The following SLC12A1 variants were observed in gnomAD, a reference collection of about 807,000 sequenced individuals.
SLC12A1 encodes Na-K-2Cl cotransporter.
Under a neutral mutation model 130.4 loss-of-function variants are expected in SLC12A1, and 89 were observed. The ratio of observed to expected loss-of-function variants is 0.68; its 90% CI spans 0.58 to 0.81. SLC12A1 has a LOEUF of 0.81. Among genes scored for constraint, SLC12A1 ranks in the 40% least tolerant of loss-of-function variants. The pLI, the probability that SLC12A1 is intolerant of heterozygous loss-of-function variation, is 0.00. For missense variants in SLC12A1, 1,310 were observed against 1,336.4 expected (o/e 0.98, Z 0.31); for synonymous variants, 499 against 460.0 (o/e 1.08, Z -1.09).
At chr15:48,234,675 C>T (rs1325343759) in intron 8 of SLC12A1, among the ~76,000 whole-genome samples, 2 of 151,998 alleles carry the variant, frequency 1.3e-5, no homozygotes, top group African/African-American at 4.8e-5. Flanking sequence ...GTTGCTTGAA[C>T]CTGGGAGGCA....
At chr15:48,221,318 T>C in intron 4 of SLC12A1, 1 of 701,866 alleles carries the variant, frequency 1.4e-6, no homozygotes, top group Non-Finnish European at 2.6e-6. Flanking sequence ...CATATTGACA[T>C]TTGCCTCTCA....
intron 2 of SLC12A1, among the ~76,000 whole-genome samples, chr15:48,215,065 T>A (rs2041103676): frequency 6.6e-6 from 1 of 152,036 alleles, no homozygotes; most frequent in Non-Finnish European, 1.5e-5. Context: ...TTATTTTCCC[T>A]GCTTTGATGA....
Position 48,288,256 on chromosome 15 carries a change from A to C in SLC12A1, c.2761+82A>C, listed in dbSNP as rs939096532. 16 of 1,344,766 alleles carry C rather than the reference A, an allele frequency of 1.2e-5. No homozygotes were observed. The African/African-American group carries it at 2.0e-4, about 17-fold the overall frequency. 83.3% of individuals were successfully genotyped at this position (1,344,766 alleles called of 1,614,324 possible). ...ACTGCATGAGAAGGTATATGGGAAC[A>C]ATACTGGTTAAAGAATAACATTTCT... is the stretch of plus-strand genomic sequence containing the variant. On this transcript the variant is annotated intron_variant, in intron 22 of 26. Coordinates refer to ENST00000380993, the MANE Select transcript of SLC12A1 (RefSeq NM_000338.3).
At chr15:48,216,760 TC>T (rs879579356) in intron 2 of SLC12A1, among the ~76,000 whole-genome samples, 1 of 152,194 alleles carries the variant, frequency 6.6e-6, no homozygotes, top group Non-Finnish European at 1.5e-5. Context: ...ATTCCTCAAT[TC>T]CCTGCTCTCA....
rs770666835 is a variant in SLC12A1 at position 48,238,414 on chromosome 15, G to C, written c.1216-3101G>C. Among the ~76,000 whole-genome samples, 3 of 152,132 alleles carry C rather than the reference G, an allele frequency of 2.0e-5. No homozygotes were observed. In the East Asian group the frequency reaches 5.8e-4, roughly 29 times the overall value. The stretch of plus-strand genomic sequence containing the variant: ...AAAAGGGAAGACAGAAGAGGTTTGA[G>C]GCAGCGTTCAGGCAGACACAGACCT... On this transcript the variant is annotated intron_variant, in intron 9 of 26. Coordinates refer to ENST00000380993, the MANE Select transcript of SLC12A1 (RefSeq NM_000338.3).
intron 7 of SLC12A1, 38 bp from the exon 8 acceptor site, chr15:48,232,689 T>C (rs753686912): frequency 8.1e-6 from 10 of 1,236,456 alleles, no homozygotes; most frequent in African/African-American, 1.5e-5. Flanking sequence ...AGTTGTTAAA[T>C]AAATCTGATT....
At chr15:48,214,843 T>C (rs2041100176) in intron 2 of SLC12A1, among the ~76,000 whole-genome samples, 1 of 152,120 alleles carries the variant, frequency 6.6e-6, no homozygotes. Flanking sequence ...GAGATTTATT[T>C]TGTTATTCTC....
At chr15:48,253,863 G>A (rs75100701) in intron 15 of SLC12A1, among the ~76,000 whole-genome samples, 2,871 of 152,324 alleles carry the variant, frequency 0.019, 84 homozygotes, top group African/African-American at 0.066. Flanking sequence ...TCTAATAGAT[G>A]TGTAGTGCCA....
At chr15:48,234,765 AT>A in intron 8 of SLC12A1, 111 bp from the exon 9 acceptor site, 9 of 1,049,132 alleles carry the variant, frequency 8.6e-6, no homozygotes, top group Middle Eastern at 2.9e-4. Flanking sequence ...AAAAAAAAAA[AT>A]TAGAATATAG....
At position 48,303,590 on chromosome 15, in the gene SLC12A1, C is replaced by T. The variant is rs1453507229; in HGVS notation, c.*705C>T. On this transcript the variant is annotated 3_prime_UTR_variant, in exon 27 of 27. Coordinates refer to ENST00000380993, the MANE Select transcript of SLC12A1 (RefSeq NM_000338.3). ...AAAGTATATTAACTAGATTAGAAGA[C>T]ACCATATACTCCAATAAAATGAAAT... 6.6e-6 allele frequency: 1 copy of T among 152,176 alleles called. No individual in the cohort carries two copies. The highest frequency in any genetic ancestry group is 1.9e-4 in the East Asian group (1 of 5,200). The allele number at this position is 152,176 out of a possible 1,614,324, so 9.4% of individuals were successfully genotyped here. A position where few individuals can be genotyped will look rare whatever the true frequency, so the allele number is the denominator to read the frequency against.
At chr15:48,229,364 C>A in intron 6 of SLC12A1, 36 bp downstream of exon 6, 1 of 1,559,470 alleles carries the variant, frequency 6.4e-7, no homozygotes, top group Non-Finnish European at 8.7e-7. Flanking sequence ...TGCCAAGCAG[C>A]ATAATTTAGT....
At chr15:48,240,311 C>G (rs2041501441) in intron 9 of SLC12A1, among the ~76,000 whole-genome samples, 1 of 151,670 alleles carries the variant, frequency 6.6e-6, no homozygotes. Context: ...TGTGTGCTGC[C>G]CCATTGCATA....
intron 20 of SLC12A1, among the ~76,000 whole-genome samples, chr15:48,283,945 T>A (rs1476217265): frequency 1.3e-5 from 2 of 152,204 alleles, no homozygotes; most frequent in Non-Finnish European, 2.9e-5. Context: ...CCTGATTCAG[T>A]GCAGGGTGAG....
intron 24 of SLC12A1, 132 bp downstream of exon 24, chr15:48,291,996 C>G: frequency 1.6e-6 from 1 of 619,840 alleles, no homozygotes; most frequent in South Asian, 2.2e-5. Context: ...TAAGAAGAGC[C>G]TTCAAATAAG....
At chr15:48,297,794 A>G (rs942424551) in intron 24 of SLC12A1, among the ~76,000 whole-genome samples, 8 of 152,162 alleles carry the variant, frequency 5.3e-5, no homozygotes, top group African/African-American at 1.9e-4. Context: ...AGCCTAGAAT[A>G]TCCAGGTCAA....
chr15:48,213,649 G>A (rs2141007902), intron 2 of SLC12A1, among the ~76,000 whole-genome samples: 1 of 151,962 alleles, frequency 6.6e-6, no homozygotes, highest in South Asian at 2.1e-4. Context: ...GACTACAGGC[G>A]CCCGCCAGCA....
At chr15:48,267,495 T>C in intron 17 of SLC12A1, 66 bp from the exon 18 acceptor site, 1 of 1,571,662 alleles carries the variant, frequency 6.4e-7, no homozygotes, top group African/African-American at 1.4e-5. Context: ...TTTTGTCCTT[T>C]AGAAAACAAC....
intron 9 of SLC12A1, among the ~76,000 whole-genome samples, chr15:48,238,718 A>T (rs995159546): frequency 6.6e-6 from 1 of 152,134 alleles, no homozygotes; most frequent in Non-Finnish European, 1.5e-5. Flanking sequence ...TTTAGAAAAC[A>T]TTTACTGTTT....
intron 9 of SLC12A1, among the ~76,000 whole-genome samples, chr15:48,238,227 A>C (rs935618348): frequency 6.6e-6 from 1 of 152,172 alleles, no homozygotes; most frequent in Admixed American, 6.5e-5. Flanking sequence ...ATAGTAGATG[A>C]GGAAAGGAAG....
Sources: allele counts gnomAD v4.1 joint callset (sites outside exome capture counted in the v4.1 genomes callset), GRCh38; gene constraint gnomAD v4.1.1; transcripts MANE v1.5; gene names NCBI Gene and HGNC (gene_info 2026-07-23, HGNC 2026-07-21).